The following EEFSEC variants were observed in gnomAD, a reference collection of about 807,000 sequenced individuals.
The protein encoded by EEFSEC is eukaryotic elongation factor, selenocysteine-tRNA specific, also known as selenocysteine-specific elongation factor.
In EEFSEC, 43 loss-of-function variants were observed where a neutral mutation model predicts 42.1. The observed-to-expected ratio is 1.02, with a 90% CI of 0.80 to 1.32. The LOEUF (loss-of-function observed/expected upper bound fraction) is 1.32, where lower values mean the gene tolerates loss of function less well. EEFSEC is among the 40% of genes most tolerant of loss of function. The pLI, the probability that EEFSEC is intolerant of heterozygous loss-of-function variation, is 0.00. For synonymous variants in EEFSEC, 354 were observed against 339.1 expected, an observed-to-expected ratio of 1.04 and a Z score of -0.48; for missense variants, 745 against 803.6, an observed-to-expected ratio of 0.93 and a Z score of 0.88.
At chr3:128,234,389 A>G (rs1298992146) in intron 1 of EEFSEC, among the ~76,000 whole-genome samples, 1 of 152,080 alleles carries the variant, frequency 6.6e-6, no homozygotes, top group Admixed American at 6.5e-5. Context: ...TTTCAAAGTC[A>G]TTTCAAACTT....
At chr3:128,420,201 C>T in the EEFSEC span, among the ~76,000 whole-genome samples, 2 of 152,222 alleles carry the variant, frequency 1.3e-5, no homozygotes, top group Admixed American at 1.3e-4. Flanking sequence ...CACACACGCG[C>T]GTGGCTCCGC....
At chr3:128,233,750 T>A (rs1377646206) in intron 1 of EEFSEC, among the ~76,000 whole-genome samples, 1 of 152,208 alleles carries the variant, frequency 6.6e-6, no homozygotes, top group Non-Finnish European at 1.5e-5. Flanking sequence ...GCGATATTGC[T>A]TAGTATCATG....
At chr3:128,199,878 C>T (rs145378115) in intron 1 of EEFSEC, among the ~76,000 whole-genome samples, 317 of 152,106 alleles carry the variant, frequency 2.1e-3, no homozygotes, top group African/African-American at 7.2e-3. Flanking sequence ...GGATTACAGG[C>T]GCACGCCACC....
At position 128,287,484 on chromosome 3, in the gene EEFSEC, G is replaced by A. The variant is rs2066598434; in HGVS notation, c.786+22703G>A. On this transcript the variant is annotated intron_variant, in intron 4 of 6. Coordinates refer to ENST00000254730, the MANE Select transcript of EEFSEC (RefSeq NM_021937.5). ...TCCTACTAGCCTTGGCTTCCTTAAG[G>A]CCTCAACATGCACTGGATTCTAAAT... Among the ~76,000 whole-genome samples the A allele has an allele frequency of 3.3e-5, 5 of 152,298 alleles. No individual in the cohort carries two copies. The South Asian group carries it at 1.0e-3, about 32-fold the overall frequency.
At chr3:128,387,384 T>C (rs1350778458) in intron 6 of EEFSEC, among the ~76,000 whole-genome samples, 1 of 152,154 alleles carries the variant, frequency 6.6e-6, no homozygotes, top group Non-Finnish European at 1.5e-5. Flanking sequence ...TTCTTCAAAG[T>C]TCAGAAATGA....
intron 4 of EEFSEC, among the ~76,000 whole-genome samples, chr3:128,281,432 TC>T (rs1390593102): frequency 6.6e-6 from 1 of 152,156 alleles, no homozygotes; most frequent in Non-Finnish European, 1.5e-5. Context: ...CCAGCCCACT[TC>T]TAGTAAGAGT....
intron 1 of EEFSEC, among the ~76,000 whole-genome samples, chr3:128,241,598 G>C (rs1285441169): frequency 6.6e-6 from 1 of 152,142 alleles, no homozygotes; most frequent in African/African-American, 2.4e-5. Flanking sequence ...GCCCACTTTA[G>C]CCTCCCAAAG....
At chr3:128,357,794 G>A (rs561987354) in intron 5 of EEFSEC, among the ~76,000 whole-genome samples, 169 of 144,640 alleles carry the variant, frequency 1.2e-3, no homozygotes, top group Non-Finnish European at 1.1e-3. Context: ...GGTCATTGTG[G>A]CCCCCCAGGG....
At chr3:128,211,796 G>C (rs1022892318) in intron 1 of EEFSEC, among the ~76,000 whole-genome samples, 1 of 149,488 alleles carries the variant, frequency 6.7e-6, no homozygotes, top group African/African-American at 2.5e-5. Context: ...GATTACAGGC[G>C]TGAGCCACCA....
intron 1 of EEFSEC, among the ~76,000 whole-genome samples, chr3:128,215,450 G>T (rs2065801864): frequency 6.6e-6 from 1 of 152,190 alleles, no homozygotes; most frequent in African/African-American, 2.4e-5. Context: ...TCCTGTCTGT[G>T]AAGTAAGGGT....
At chr3:128,248,191 A>G (rs1404333479) in intron 2 of EEFSEC, among the ~76,000 whole-genome samples, 4 of 152,202 alleles carry the variant, frequency 2.6e-5, no homozygotes. Context: ...GATCAATACT[A>G]AATAGCGGTC....
At chr3:128,424,673 C>G in the EEFSEC span, among the ~76,000 whole-genome samples, 1 of 152,152 alleles carries the variant, frequency 6.6e-6, no homozygotes, top group Admixed American at 6.5e-5. Context: ...GAATGAGTCA[C>G]GGCACCCAGC....
chr3:128,280,151 T>C (rs577791711), intron 4 of EEFSEC, among the ~76,000 whole-genome samples: 1 of 152,214 alleles, frequency 6.6e-6, no homozygotes, highest in African/African-American at 2.4e-5. Context: ...GTAGGAAAAC[T>C]GTCTGCATAT....
At chr3:128,245,690 T>A (rs928442740) in intron 1 of EEFSEC, among the ~76,000 whole-genome samples, 2 of 152,178 alleles carry the variant, frequency 1.3e-5, no homozygotes, top group African/African-American at 4.8e-5. Context: ...TTCTAGTGTC[T>A]TCGATACTAG....
chr3:128,276,960 G>A (rs1311478186), intron 4 of EEFSEC, among the ~76,000 whole-genome samples: 6 of 152,366 alleles, frequency 3.9e-5, no homozygotes, highest in Non-Finnish European at 2.9e-5. Flanking sequence ...GCCAGGGCAT[G>A]CATCCAGGCT....
intron 4 of EEFSEC, among the ~76,000 whole-genome samples, chr3:128,326,235 G>C (rs1403499996): frequency 6.6e-6 from 1 of 152,232 alleles, no homozygotes; most frequent in Non-Finnish European, 1.5e-5. Context: ...AGAGTGCCTG[G>C]CTCCTGGGCC....
At chr3:128,386,483 G>T (rs939620203) in intron 6 of EEFSEC, among the ~76,000 whole-genome samples, 3 of 152,108 alleles carry the variant, frequency 2.0e-5, no homozygotes, top group Non-Finnish European at 2.9e-5. Flanking sequence ...CAGGCAGTGG[G>T]GGGGGGATGC....
At chr3:128,416,326 C>T in the EEFSEC span, among the ~76,000 whole-genome samples, 1 of 152,174 alleles carries the variant, frequency 6.6e-6, no homozygotes, top group Non-Finnish European at 1.5e-5. Context: ...CGGCCTGGCC[C>T]ACCCTGCAGG....
intron 1 of EEFSEC, among the ~76,000 whole-genome samples, chr3:128,214,081 T>C (rs1283832877): frequency 2.6e-5 from 4 of 152,194 alleles, no homozygotes; most frequent in African/African-American, 7.2e-5. Context: ...TAAGTCAGTG[T>C]TAAATTTCTT....
Sources: gnomAD v4.1 joint callset for allele counts (sites outside exome capture counted in the v4.1 genomes callset) on GRCh38, gnomAD v4.1.1 for gene constraint, MANE v1.5 for transcripts, NCBI Gene and HGNC (gene_info 2026-07-23, HGNC 2026-07-21) for gene names.